Variants in CCDC93 observed in about 807,000 individuals in gnomAD.
CCDC93 encodes the protein CCC complex scaffolding subunit CCDC93, also known as coiled-coil domain-containing protein 93.
Under a neutral mutation model 108.2 loss-of-function variants are expected in CCDC93, and 61 were observed. That is an observed-to-expected ratio of 0.56 (90% confidence interval 0.46 to 0.70). CCDC93 has a LOEUF of 0.70. Ranked by LOEUF, CCDC93 falls within the 30% of genes least tolerant of loss-of-function variation. The probability of loss-of-function intolerance (pLI) is 0.00; values close to 1 mark genes in which losing one functional copy is unlikely to be tolerated. For synonymous variants in CCDC93, 276 were observed against 260.4 expected, an observed-to-expected ratio of 1.06 and a Z score of -0.58; for missense variants, 685 against 764.2, an observed-to-expected ratio of 0.90 and a Z score of 1.22.
chr2:118,006,536 T>C (rs1013148826), intron 3 of CCDC93, among the ~76,000 whole-genome samples, 186 bp downstream of exon 3: 12 of 152,248 alleles, frequency 7.9e-5, no homozygotes, highest in African/African-American at 2.9e-4. Context: ...CACTACAAAC[T>C]TTGATCTAGC....
intron 11 of CCDC93, among the ~76,000 whole-genome samples, chr2:117,971,233 T>C (rs889414145): frequency 5.3e-5 from 8 of 151,872 alleles, no homozygotes; most frequent in African/African-American, 1.5e-4. Flanking sequence ...CATGGTGGTA[T>C]GCGCCTGCAG....
At chr2:118,005,952 T>G (rs550814139) in intron 3 of CCDC93, among the ~76,000 whole-genome samples, 6 of 152,202 alleles carry the variant, frequency 3.9e-5, no homozygotes, top group Non-Finnish European at 8.8e-5. Context: ...GGCAAATCTT[T>G]GGCCAACAGT....
chr2:118,010,641 T>A (rs990311376), intron 1 of CCDC93, among the ~76,000 whole-genome samples: 1 of 152,220 alleles, frequency 6.6e-6, no homozygotes, highest in African/African-American at 2.4e-5. Flanking sequence ...ACAGCTTTCA[T>A]GTTATCCCTC....
intron 3 of CCDC93, among the ~76,000 whole-genome samples, chr2:118,001,297 T>G (rs1374397641): frequency 6.6e-6 from 1 of 152,226 alleles, no homozygotes; most frequent in East Asian, 1.9e-4. Flanking sequence ...ACATTTCGTT[T>G]TACTGATCTA....
intron 14 of CCDC93, among the ~76,000 whole-genome samples, chr2:117,948,789 A>G (rs1202743535): frequency 6.6e-6 from 1 of 152,220 alleles, no homozygotes; most frequent in Non-Finnish European, 1.5e-5. Context: ...TACCACCCAA[A>G]TAGTCTGAAG....
At chr2:117,963,256 A>G (rs902799185) in intron 11 of CCDC93, among the ~76,000 whole-genome samples, 1 of 152,166 alleles carries the variant, frequency 6.6e-6, no homozygotes, top group African/African-American at 2.4e-5. Flanking sequence ...CCCCCTCCCA[A>G]TGCACACACC....
intron 6 of CCDC93, among the ~76,000 whole-genome samples, chr2:117,988,624 A>G (rs1037176762): frequency 2.6e-5 from 4 of 152,228 alleles, no homozygotes; most frequent in African/African-American, 9.6e-5. Flanking sequence ...TTTCACCTAA[A>G]GGGACCCCAT....
At chr2:117,939,216 G>A (rs1678620658) in intron 19 of CCDC93, 105 bp from the exon 20 acceptor site, 2 of 673,828 alleles carry the variant, frequency 3.0e-6, no homozygotes. Flanking sequence ...TGTCAGGCCT[G>A]GGAGCTCACT....
chr2:117,932,233 C>T (rs964688887), intron 22 of CCDC93, among the ~76,000 whole-genome samples: 7 of 152,156 alleles, frequency 4.6e-5, no homozygotes, highest in Non-Finnish European at 7.3e-5. Flanking sequence ...GACTCATGGC[C>T]GGTGCTCAAA....
intron 7 of CCDC93, among the ~76,000 whole-genome samples, chr2:117,984,085 G>A (rs763905310): frequency 1.7e-4 from 26 of 152,108 alleles, no homozygotes; most frequent in African/African-American, 5.1e-4. Context: ...GTCATTATTA[G>A]TCTCAAAGAG....
At chr2:118,008,734 A>G in intron 1 of CCDC93, 76 bp from the exon 2 acceptor site, 1 of 864,286 alleles carries the variant, frequency 1.2e-6, no homozygotes, top group Non-Finnish European at 1.9e-6. Flanking sequence ...CCCTGATGCC[A>G]CAAGCTCATT....
intron 11 of CCDC93, among the ~76,000 whole-genome samples, chr2:117,962,368 G>A (rs1463500164): frequency 6.6e-6 from 1 of 152,230 alleles, no homozygotes; most frequent in East Asian, 1.9e-4. Context: ...AGTAGGCTGG[G>A]CGCAGTGGCT....
At chr2:117,973,060 T>C (rs1219184120) in intron 11 of CCDC93, among the ~76,000 whole-genome samples, 1 of 152,142 alleles carries the variant, frequency 6.6e-6, no homozygotes, top group Non-Finnish European at 1.5e-5. Context: ...CATTTAAAAC[T>C]GTTTCCCAAA....
chr2:117,961,741 G>A (rs759774370), intron 11 of CCDC93, among the ~76,000 whole-genome samples: 26 of 152,276 alleles, frequency 1.7e-4, no homozygotes, highest in Non-Finnish European at 3.1e-4. Flanking sequence ...TTTGAATGAT[G>A]AGACAAAGTC....
At chr2:117,985,467 G>GTT (rs1680287770) in intron 7 of CCDC93, 1 of 965,372 alleles carries the variant, frequency 1.0e-6, no homozygotes, top group South Asian at 4.8e-5. Flanking sequence ...AAATTCAATG[G>GTT]GGAGAAGCAT....
At chr2:118,000,616 G>A (rs1680815081) in intron 4 of CCDC93, 1 of 503,094 alleles carries the variant, frequency 2.0e-6, no homozygotes, top group African/African-American at 1.9e-5. Context: ...ATCTTATCAG[G>A]TGACAGCATG....
chr2:118,008,177 A>C (rs768633992), intron 2 of CCDC93, among the ~76,000 whole-genome samples: 5 of 152,198 alleles, frequency 3.3e-5, no homozygotes, highest in Non-Finnish European at 7.3e-5. Context: ...TATCCGCAGA[A>C]TATCTGGCAA....
At chr2:117,938,884 G>A (rs990877164) in intron 20 of CCDC93, 145 bp downstream of exon 20, 20 of 531,258 alleles carry the variant, frequency 3.8e-5, no homozygotes, top group African/African-American at 3.5e-4. Flanking sequence ...CTTTCTGACT[G>A]GGTATGCCAG....
At chr2:117,958,509 A>T in intron 11 of CCDC93, 28 bp from the exon 12 acceptor site, 1 of 1,315,410 alleles carries the variant, frequency 7.6e-7, no homozygotes, top group Non-Finnish European at 1.1e-6. Flanking sequence ...GGCAAATCCA[A>T]AGGATTTAGT....
Sources: allele counts gnomAD v4.1 joint callset (sites outside exome capture counted in the v4.1 genomes callset), GRCh38; gene constraint gnomAD v4.1.1; transcripts MANE v1.5; gene names NCBI Gene and HGNC (gene_info 2026-07-23, HGNC 2026-07-21).